The following RLF variants were observed in gnomAD, a reference collection of about 807,000 sequenced individuals.
RLF encodes RLF zinc finger, also known as zinc finger protein Rlf.
In RLF, 7 loss-of-function variants were observed where a neutral mutation model predicts 162.9. The observed-to-expected ratio is 0.04, with a 90% CI of 0.02 to 0.08. The LOEUF is 0.08. Ranked by LOEUF, RLF falls within the 10% of genes least tolerant of loss-of-function variation. RLF has a pLI of 1.00. For missense variants in RLF, 1,664 were observed against 2,244.7 expected, an observed-to-expected ratio of 0.74 and a Z score of 5.23; for synonymous variants, 782 against 791.5, an observed-to-expected ratio of 0.99 and a Z score of 0.20.
intron 1 of RLF, among the ~76,000 whole-genome samples, chr1:40,184,146 T>A (rs2124532367): frequency 6.6e-6 from 1 of 152,246 alleles, no homozygotes; most frequent in South Asian, 2.1e-4. Context: ...ATTTGAGAAG[T>A]TTAGAAAAGT....
intron 5 of RLF, among the ~76,000 whole-genome samples, chr1:40,219,364 TATAAA>T: frequency 6.6e-6 from 1 of 152,278 alleles, no homozygotes; most frequent in South Asian, 2.1e-4. Context: ...GGGATAAAAG[TATAAA>T]ATAAGATCTA....
chr1:40,213,839 T>C (rs1261092505), intron 5 of RLF, among the ~76,000 whole-genome samples: 1 of 152,244 alleles, frequency 6.6e-6, no homozygotes. Flanking sequence ...AATGATAAAA[T>C]ATTAATGGCA....
In RLF at chr1:40,212,416, T is replaced by A. The variant is rs376330910; in HGVS notation, c.810+9802T>A. On this transcript the variant is annotated intron_variant, in intron 5 of 7. Transcript: ENST00000372771. ...GTAGAATTGAATGAGATGACATTGCTATTAACTTTACATATTAAAGGATTT... is the reference window on the plus strand; with the variant it reads ...GTAGAATTGAATGAGATGACATTGCAATTAACTTTACATATTAAAGGATTT... Among the ~76,000 whole-genome samples, 7 of 152,352 alleles carry A rather than the reference T, an allele frequency of 4.6e-5. No homozygotes were observed. In the South Asian group the frequency reaches 1.4e-3, roughly 32 times the overall value.
chr1:40,228,285 C>CAA (rs1174639258), intron 6 of RLF, among the ~76,000 whole-genome samples: 1 of 128,652 alleles, frequency 7.8e-6, no homozygotes. Flanking sequence ...GACTCCATCT[C>CAA]AAAAAAAAAA....
At position 40,202,356 on chromosome 1, in the gene RLF, A is replaced by G; in HGVS notation, c.608-56A>G. The G allele has an allele frequency of 2.7e-6, 3 of 1,119,368 alleles. No individual in the cohort carries two copies. In the South Asian group the frequency reaches 4.6e-5, roughly 17 times the overall value. 69.3% of individuals were successfully genotyped at this position (1,119,368 alleles called of 1,614,324 possible). A position where few individuals can be genotyped will look rare whatever the true frequency, so the allele number is the denominator to read the frequency against. ...AAGATCTCAAACTTTCATCTTAGCA[A>G]GTCTGACATGTTATGTGGTATGTTG... is the stretch of plus-strand genomic sequence containing the variant. On this transcript the variant is annotated intron_variant, in intron 4 of 7. Transcript: ENST00000372771.
chr1:40,177,027 G>C (rs150854853), intron 1 of RLF, among the ~76,000 whole-genome samples: 2 of 146,180 alleles, frequency 1.4e-5, no homozygotes, highest in African/African-American at 2.5e-5. Context: ...TCACTTTGTC[G>C]TCCAGGCAGG....
At chr1:40,219,216 C>G (rs758773850) in intron 5 of RLF, among the ~76,000 whole-genome samples, 1 of 152,066 alleles carries the variant, frequency 6.6e-6, no homozygotes. Context: ...TATTTATTTA[C>G]TTTTATTTCT....
intron 4 of RLF, among the ~76,000 whole-genome samples, chr1:40,197,032 G>A (rs1642647495): frequency 6.6e-6 from 1 of 152,040 alleles, no homozygotes; most frequent in Non-Finnish European, 1.5e-5. Flanking sequence ...GATATCTTTA[G>A]GTCTTAGAAC....
At chr1:40,228,083 G>A (rs1349076454) in intron 6 of RLF, among the ~76,000 whole-genome samples, 3 of 151,738 alleles carry the variant, frequency 2.0e-5, no homozygotes, top group South Asian at 2.1e-4. Flanking sequence ...TCAGGAGTTC[G>A]AGACCAGCCT....
At chr1:40,173,082 T>G (rs1226342311) in intron 1 of RLF, among the ~76,000 whole-genome samples, 1 of 149,676 alleles carries the variant, frequency 6.7e-6, no homozygotes, top group Non-Finnish European at 1.5e-5. Flanking sequence ...GGTTTTTTTT[T>G]TTTTTTTTTG....
intron 5 of RLF, among the ~76,000 whole-genome samples, chr1:40,217,193 T>TG (rs1241354763): frequency 6.6e-6 from 1 of 152,084 alleles, no homozygotes; most frequent in Non-Finnish European, 1.5e-5. Flanking sequence ...AGGCTGGGTA[T>TG]GGTGACTCAT....
chr1:40,180,852 C>G (rs978686677), intron 1 of RLF, among the ~76,000 whole-genome samples: 2 of 152,134 alleles, frequency 1.3e-5, no homozygotes, highest in African/African-American at 4.8e-5. Flanking sequence ...CCTTTTTACT[C>G]TCTTGATAGT....
chr1:40,179,035 G>A (rs956090941), intron 1 of RLF, among the ~76,000 whole-genome samples: 5 of 151,070 alleles, frequency 3.3e-5, no homozygotes, highest in East Asian at 2.0e-4. Context: ...GCATTTCGCC[G>A]TGTTGGCCAG....
chr1:40,207,685 A>G (rs1056820304), intron 5 of RLF, among the ~76,000 whole-genome samples: 2 of 152,220 alleles, frequency 1.3e-5, no homozygotes, highest in South Asian at 2.1e-4. Context: ...ATCTCGGCTC[A>G]CTGCAGCCTC....
intron 4 of RLF, among the ~76,000 whole-genome samples, chr1:40,199,477 A>G (rs11807212): frequency 0.011 from 1,715 of 152,280 alleles, 42 homozygotes; most frequent in African/African-American, 0.039. Flanking sequence ...AGATGAAGAA[A>G]CTTGAGTCTC....
Position 40,240,451 on chromosome 1 carries a change from G to C in RLF, c.*4G>C, listed in dbSNP as rs370100737. 38 of 1,603,078 alleles carry C rather than the reference G, an allele frequency of 2.4e-5. No homozygotes were observed. Among genetic ancestry groups the C allele is most frequent in the Non-Finnish European group, 3.1e-5 (36 of 1,173,582 alleles). On this transcript the variant is annotated 3_prime_UTR_variant, in exon 8 of 8. Coordinates refer to ENST00000372771, the MANE Select transcript of RLF (RefSeq NM_012421.4). ...GCTTTGTGTAGGAAGTTCATAAGTA[G>C]CAATTTTGTTTTAGTAACAGACTGG...
chr1:40,230,068 G>C (rs150977286), intron 6 of RLF, among the ~76,000 whole-genome samples: 7,871 of 151,554 alleles, frequency 0.052, 599 homozygotes, highest in African/African-American at 0.17. Flanking sequence ...GAGCCAAGAT[G>C]GTGCCATTGC....
intron 7 of RLF, among the ~76,000 whole-genome samples, chr1:40,234,268 T>C (rs1643189953): frequency 6.6e-6 from 1 of 152,202 alleles, no homozygotes; most frequent in African/African-American, 2.4e-5. Context: ...TTTAAGTCCT[T>C]GCTCCTCTGC....
chr1:40,217,403 C>T (rs975795930), intron 5 of RLF, among the ~76,000 whole-genome samples: 2 of 151,820 alleles, frequency 1.3e-5, no homozygotes, highest in Non-Finnish European at 2.9e-5. Context: ...CCTAGGAGTT[C>T]GAGGCTGCAG....
Sources: allele counts gnomAD v4.1 joint callset (sites outside exome capture counted in the v4.1 genomes callset), GRCh38; gene constraint gnomAD v4.1.1; transcripts MANE v1.5; gene names NCBI Gene and HGNC (gene_info 2026-07-23, HGNC 2026-07-21).